Variants in MEGF11 observed in about 807,000 individuals in gnomAD.
The protein encoded by MEGF11 is multiple EGF like domains 11, also known as multiple epidermal growth factor-like domains protein 11.
Under a neutral mutation model 146.6 loss-of-function variants are expected in MEGF11, and 126 were observed. That is an observed-to-expected ratio of 0.86 (90% CI 0.74 to 1.00). The LOEUF (loss-of-function observed/expected upper bound fraction) is 1.00, where lower values mean the gene tolerates loss of function less well. Among genes scored for constraint, MEGF11 ranks in the 50% least tolerant of loss-of-function variants. The pLI is 0.00. For missense variants in MEGF11, 1,509 were observed against 1,521.2 expected (o/e 0.99, Z 0.13); for synonymous variants, 532 against 583.4 (o/e 0.91, Z 1.27).
intron 1 of MEGF11, among the ~76,000 whole-genome samples, chr15:66,246,805 C>T (rs1185530204): frequency 6.6e-6 from 1 of 152,034 alleles, no homozygotes; most frequent in African/African-American, 2.4e-5. Flanking sequence ...GAGTACGATT[C>T]TATCTCAAAA....
At chr15:66,092,922 G>C (rs112657297) in intron 5 of MEGF11, among the ~76,000 whole-genome samples, 1 of 152,216 alleles carries the variant, frequency 6.6e-6, no homozygotes, top group African/African-American at 2.4e-5. Context: ...GCCAAGTTAC[G>C]CAAAACAAAA....
chr15:66,132,494 C>T (rs2088688545), intron 1 of MEGF11, among the ~76,000 whole-genome samples: 1 of 152,252 alleles, frequency 6.6e-6, no homozygotes, highest in Admixed American at 6.5e-5. Context: ...CCCAGTCCAT[C>T]TTCCCGTGAT....
chr15:66,002,937 G>A (rs966552767), intron 5 of MEGF11, among the ~76,000 whole-genome samples: 4 of 152,012 alleles, frequency 2.6e-5, no homozygotes, highest in African/African-American at 9.7e-5. Flanking sequence ...ATGAACCAGG[G>A]CTGAGCCTAG....
At chr15:66,009,739 C>G (rs1193300386) in intron 5 of MEGF11, among the ~76,000 whole-genome samples, 2 of 151,856 alleles carry the variant, frequency 1.3e-5, no homozygotes, top group Non-Finnish European at 2.9e-5. Flanking sequence ...ACTACAGACA[C>G]ATGCCAACGT....
chr15:66,100,284 C>T (rs533565912), intron 4 of MEGF11, among the ~76,000 whole-genome samples: 11 of 152,238 alleles, frequency 7.2e-5, no homozygotes, highest in South Asian at 2.1e-4. Flanking sequence ...GTCTTCTGGG[C>T]GGTGAATCCT....
chr15:66,071,257 T>C (rs1401354519), intron 5 of MEGF11, among the ~76,000 whole-genome samples: 1 of 152,178 alleles, frequency 6.6e-6, no homozygotes, highest in East Asian at 1.9e-4. Context: ...CTACGTTCCT[T>C]GAGGGGAAGA....
chr15:66,097,520 A>G (rs1039292842), intron 4 of MEGF11, among the ~76,000 whole-genome samples: 1 of 152,060 alleles, frequency 6.6e-6, no homozygotes, highest in African/African-American at 2.4e-5. Flanking sequence ...TACAACTCTA[A>G]ACAGAGTGTT....
chr15:66,172,354 C>A (rs1288517777), intron 1 of MEGF11, among the ~76,000 whole-genome samples: 1 of 152,248 alleles, frequency 6.6e-6, no homozygotes, highest in Non-Finnish European at 1.5e-5. Flanking sequence ...TCACCCCTCA[C>A]ATTCACGGCC....
chr15:66,197,381 CT>C (rs889645876), intron 1 of MEGF11, among the ~76,000 whole-genome samples: 6 of 152,022 alleles, frequency 3.9e-5, no homozygotes, highest in Admixed American at 3.9e-4. Flanking sequence ...TTTTCCCTGC[CT>C]TTGGGGCCAC....
chr15:66,245,729 T>C (rs2092286916), intron 1 of MEGF11, among the ~76,000 whole-genome samples: 1 of 152,180 alleles, frequency 6.6e-6, no homozygotes, highest in Non-Finnish European at 1.5e-5. Context: ...TTTGCAGCCA[T>C]GGATTCCGGA....
intron 19 of MEGF11, 108 bp downstream of exon 19, chr15:65,915,362 G>A: frequency 2.8e-6 from 4 of 1,411,186 alleles, no homozygotes; most frequent in African/African-American, 1.4e-5. Context: ...CCTCACAAAT[G>A]TGAATAAAGG....
At position 66,144,315 on chromosome 15, in the gene MEGF11, A is replaced by G. The variant is rs1192721768; in HGVS notation, c.-8-15904T>C. Reference sequence around the variant, plus strand: ...CAGCCAAGATGGAGAACCACCCACCAGGAGCTCCCTGAGAGCAAGGGCATC... The same window carrying G: ...CAGCCAAGATGGAGAACCACCCACCGGGAGCTCCCTGAGAGCAAGGGCATC... On this transcript the variant is annotated intron_variant, in intron 1 of 25. Coordinates refer to ENST00000395614, the MANE Select transcript of MEGF11 (RefSeq NM_001385028.1). Among the ~76,000 whole-genome samples the G allele has an allele frequency of 3.9e-5, 6 of 152,124 alleles. No homozygotes were observed. In the East Asian group the frequency reaches 5.8e-4, roughly 15 times the overall value.
At chr15:66,017,463 G>C (rs2140147142) in intron 5 of MEGF11, among the ~76,000 whole-genome samples, 1 of 152,330 alleles carries the variant, frequency 6.6e-6, no homozygotes, top group Non-Finnish European at 1.5e-5. Flanking sequence ...GTTGTGAAGT[G>C]AAGAACCTGG....
At chr15:66,053,511 C>T (rs1228493291) in intron 5 of MEGF11, among the ~76,000 whole-genome samples, 2 of 151,926 alleles carry the variant, frequency 1.3e-5, no homozygotes, top group Admixed American at 1.3e-4. Flanking sequence ...TTCCCCAACC[C>T]AACAGCAGTT....
chr15:66,213,799 C>T (rs1056234550), intron 1 of MEGF11, among the ~76,000 whole-genome samples: 10 of 151,848 alleles, frequency 6.6e-5, no homozygotes, highest in African/African-American at 2.2e-4. Context: ...TTAGACAGTG[C>T]CATTTCAGAG....
chr15:66,110,580 C>CTAGT (rs757140842), intron 4 of MEGF11, among the ~76,000 whole-genome samples: 5 of 152,284 alleles, frequency 3.3e-5, no homozygotes, highest in Non-Finnish European at 5.9e-5. Flanking sequence ...TCCCCAGGAC[C>CTAGT]TAGTAGTACC....
intron 10 of MEGF11, 140 bp from the exon 11 acceptor site, chr15:65,931,083 C>T: frequency 9.3e-7 from 1 of 1,075,630 alleles, no homozygotes. Flanking sequence ...CCTTACATGG[C>T]AAAAAGGGAC....
chr15:66,095,615 C>T (rs901792671), intron 4 of MEGF11, among the ~76,000 whole-genome samples: 4 of 152,170 alleles, frequency 2.6e-5, no homozygotes, highest in Non-Finnish European at 4.4e-5. Context: ...CTGATGTGGT[C>T]CTCTGGCCCC....
intron 1 of MEGF11, among the ~76,000 whole-genome samples, chr15:66,212,417 G>A (rs1225710682): frequency 6.6e-6 from 1 of 152,122 alleles, no homozygotes; most frequent in East Asian, 1.9e-4. Flanking sequence ...GGGACTGGCT[G>A]CAAAAGGGAA....
Sources: allele counts gnomAD v4.1 joint callset (sites outside exome capture counted in the v4.1 genomes callset), GRCh38; gene constraint gnomAD v4.1.1; transcripts MANE v1.5; gene names NCBI Gene and HGNC (gene_info 2026-07-23, HGNC 2026-07-21).